Variants in FUT8 observed in about 807,000 individuals in gnomAD.
The protein encoded by FUT8 is alpha-(1,6)-fucosyltransferase.
In FUT8, 29 loss-of-function variants were observed where a neutral mutation model predicts 71.3. That is an observed-to-expected ratio of 0.41 (90% CI 0.30 to 0.55). The LOEUF is 0.55. Among genes scored for constraint, FUT8 ranks in the 20% least tolerant of loss-of-function variants. The pLI is 0.34. For missense variants in FUT8, 544 were observed against 702.1 expected, an observed-to-expected ratio of 0.77 and a Z score of 2.55; for synonymous variants, 254 against 239.3, an observed-to-expected ratio of 1.06 and a Z score of -0.57.
intron 1 of FUT8, among the ~76,000 whole-genome samples, chr14:65,447,892 G>A (rs1040677629): frequency 2.0e-5 from 3 of 152,098 alleles, no homozygotes; most frequent in Admixed American, 2.0e-4. Context: ...TCTGTTTCGG[G>A]ATTAGTTTCT....
At chr14:65,564,992 T>C (rs1594773486) in intron 3 of FUT8, among the ~76,000 whole-genome samples, 1 of 151,972 alleles carries the variant, frequency 6.6e-6, no homozygotes, top group Admixed American at 6.6e-5. Flanking sequence ...GAGAAAGAAG[T>C]TATTTGGCTC....
chr14:65,698,393 A>G (rs1894103356), intron 7 of FUT8, among the ~76,000 whole-genome samples: 1 of 152,222 alleles, frequency 6.6e-6, no homozygotes, highest in Non-Finnish European at 1.5e-5. Flanking sequence ...CCTGTCATGT[A>G]CTATTTCGGT....
chr14:65,621,084 AC>A (rs745965198), intron 5 of FUT8, among the ~76,000 whole-genome samples: 1 of 152,170 alleles, frequency 6.6e-6, no homozygotes, highest in Non-Finnish European at 1.5e-5. Context: ...CTACGACCAC[AC>A]ATCTTTTGGG....
At chr14:65,510,915 T>G (rs771086675) in intron 2 of FUT8, among the ~76,000 whole-genome samples, 4 of 152,100 alleles carry the variant, frequency 2.6e-5, no homozygotes, top group Non-Finnish European at 5.9e-5. Context: ...ATTTCTGCTC[T>G]CATCTTTATT....
At chr14:65,433,057 C>T (rs2065500965) in intron 1 of FUT8, among the ~76,000 whole-genome samples, 1 of 152,176 alleles carries the variant, frequency 6.6e-6, no homozygotes, top group South Asian at 2.1e-4. Flanking sequence ...ACATGTTTCT[C>T]TGTCCTGTAA....
intron 7 of FUT8, among the ~76,000 whole-genome samples, chr14:65,677,114 T>TGTGTGTGTGTGTGTG (rs1892754524): frequency 1.8e-5 from 2 of 110,216 alleles, no homozygotes; most frequent in African/African-American, 6.6e-5. Flanking sequence ...AAAGACATAT[T>TGTGTGTGTGTGTGTG]TGTGTGTGTG....
chr14:65,559,245 GA>G (rs898665211), intron 2 of FUT8, among the ~76,000 whole-genome samples: 1 of 152,006 alleles, frequency 6.6e-6, no homozygotes, highest in Non-Finnish European at 1.5e-5. Flanking sequence ...TGAAGGGAAA[GA>G]AAAAAATTGT....
chr14:65,660,680 C>G lies in FUT8; in HGVS notation c.598-8563C>G, dbSNP rs1043349519. Among the ~76,000 whole-genome samples the G allele has an allele frequency of 6.6e-6, 1 of 152,154 alleles. No homozygotes were observed. The highest frequency in any genetic ancestry group is 1.5e-5 in the Non-Finnish European group (1 of 68,014). ...GAGGGGTGGAAAGGATGCCTTAGTA[C>G]AGTCTTAACTTTGCTATGGAAATAT... On this transcript the variant is annotated intron_variant, in intron 6 of 10. Coordinates refer to ENST00000673929, the MANE Select transcript of FUT8 (RefSeq NM_001371533.1). This position sits in a 1 kb window ranked among gnomAD's most constrained non-coding sequence, Gnocchi z 4.1.
chr14:65,724,435 G>A lies in FUT8; in HGVS notation c.1259+112G>A, dbSNP rs529939487. ...TATATTATTATTGCTAATTATTAGGGTTTTAAAAATTCAATGGACTATGTA... is the reference window on the plus strand; with the variant it reads ...TATATTATTATTGCTAATTATTAGGATTTTAAAAATTCAATGGACTATGTA... On this transcript the variant is annotated intron_variant, in intron 9 of 10. Coordinates refer to ENST00000673929, the MANE Select transcript of FUT8 (RefSeq NM_001371533.1). The A allele has an allele frequency of 2.4e-5, 16 of 670,766 alleles. No homozygotes were observed. The African/African-American group carries it at 2.8e-4, about 12-fold the overall frequency. 41.6% of individuals were successfully genotyped at this position (670,766 alleles called of 1,614,324 possible).
chr14:65,448,150 A>G (rs1351809117), intron 1 of FUT8, among the ~76,000 whole-genome samples: 2 of 152,194 alleles, frequency 1.3e-5, no homozygotes, highest in East Asian at 1.9e-4. Flanking sequence ...AAAATATCCA[A>G]TGGTTATGAA....
At chr14:65,563,088 C>T (rs1003635448) in intron 3 of FUT8, among the ~76,000 whole-genome samples, 16 of 151,962 alleles carry the variant, frequency 1.1e-4, no homozygotes, top group Admixed American at 3.3e-4. Flanking sequence ...GTCATTTGTA[C>T]CATTCAAGAA....
At chr14:65,539,632 A>G (rs923185575) in intron 2 of FUT8, among the ~76,000 whole-genome samples, 6 of 152,334 alleles carry the variant, frequency 3.9e-5, no homozygotes, top group African/African-American at 1.4e-4. Context: ...GAGATAATAG[A>G]GAATGTTTAT....
chr14:65,491,124 G>A (rs1031530948), intron 2 of FUT8, among the ~76,000 whole-genome samples: 1 of 152,078 alleles, frequency 6.6e-6, no homozygotes, highest in African/African-American at 2.4e-5. Context: ...TTACCTCAAA[G>A]TACAGTGGGT....
At chr14:65,453,825 CT>C (rs1447103773) in intron 1 of FUT8, among the ~76,000 whole-genome samples, 1 of 152,178 alleles carries the variant, frequency 6.6e-6, no homozygotes, top group East Asian at 1.9e-4. Flanking sequence ...CTTTTTTCTG[CT>C]TAAGTTTCTC....
At chr14:65,736,821 G>A (rs1410872515) in intron 10 of FUT8, among the ~76,000 whole-genome samples, 1 of 152,080 alleles carries the variant, frequency 6.6e-6, no homozygotes, top group Admixed American at 6.6e-5. Flanking sequence ...ATAATTTCAT[G>A]TGCCAAGAGA....
chr14:65,593,313 A>G (rs1887790394), intron 3 of FUT8, among the ~76,000 whole-genome samples: 2 of 152,240 alleles, frequency 1.3e-5, no homozygotes, highest in African/African-American at 4.8e-5. Context: ...TATAACTTAA[A>G]TGAATATTAA....
chr14:65,715,831 C>T lies in FUT8; in HGVS notation c.836-5944C>T, dbSNP rs1298995250. 2.0e-5 allele frequency among the ~76,000 whole-genome samples: 3 copies of T among 152,132 alleles called. No homozygotes were observed. In the South Asian group the frequency reaches 6.2e-4, roughly 32 times the overall value. On this transcript the variant is annotated intron_variant, in intron 7 of 10. Coordinates refer to ENST00000673929, the MANE Select transcript of FUT8 (RefSeq NM_001371533.1). ...TTGTGGTCTGAGAAGATACTTGAGG[C>T]TGAGTACAGTGGCACATACCTTGTG...
chr14:65,427,202 C>T (rs886077343), intron 1 of FUT8, among the ~76,000 whole-genome samples: 3 of 152,074 alleles, frequency 2.0e-5, no homozygotes, highest in African/African-American at 4.8e-5. Flanking sequence ...CATTGGTGGA[C>T]GCTTACGTTG....
At chr14:65,575,156 AGG>A (rs1333612542) in intron 3 of FUT8, among the ~76,000 whole-genome samples, 2 of 151,776 alleles carry the variant, frequency 1.3e-5, no homozygotes, top group African/African-American at 2.4e-5. Flanking sequence ...GCTGTGTCCA[AGG>A]GTATAAATTT....
Sources: allele counts gnomAD v4.1 joint callset (sites outside exome capture counted in the v4.1 genomes callset), GRCh38; gene constraint gnomAD v4.1.1; non-coding constraint Gnocchi (gnomAD v3.1); transcripts MANE v1.5; gene names NCBI Gene and HGNC (gene_info 2026-07-23, HGNC 2026-07-21).